The following PRICKLE2 variants were observed in gnomAD, a reference collection of about 807,000 sequenced individuals.
The protein encoded by PRICKLE2 is prickle-like protein 2.
PRICKLE2 carries 21 observed loss-of-function variants against 81.4 expected under a neutral mutation model. The observed-to-expected ratio is 0.26, with a 90% CI of 0.18 to 0.37. The LOEUF (loss-of-function observed/expected upper bound fraction) is 0.37, where lower values mean the gene tolerates loss of function less well. Among genes scored for constraint, PRICKLE2 ranks in the 10% least tolerant of loss-of-function variants. PRICKLE2 has a pLI of 1.00. For missense variants in PRICKLE2, 940 were observed against 1,109.0 expected (o/e 0.85, Z 2.16); for synonymous variants, 456 against 421.5 (o/e 1.08, Z -1.00).
upstream of PRICKLE2, among the ~76,000 whole-genome samples, chr3:64,225,736 G>T (rs1258422114): frequency 1.3e-5 from 2 of 151,956 alleles, no homozygotes; most frequent in East Asian, 3.9e-4. Context: ...CTTCTTAAAA[G>T]CTGTGCTCTT....
chr3:64,163,133 A>C lies in PRICKLE2; in HGVS notation c.145-4T>G, dbSNP rs375489210. ...GACAGCTATAGTACTGGTGTACCTG[A>C]AGGACAGAAAGCATATAGATGACTT... On this transcript the variant is annotated splice_region_variant and splice_polypyrimidine_tract_variant and intron_variant, in intron 2 of 7. Coordinates refer to ENST00000638394, the MANE Select transcript of PRICKLE2 (RefSeq NM_198859.4). 233 of 1,540,960 alleles carry C rather than the reference A, an allele frequency of 1.5e-4. 1 individual carries two copies. The African/African-American group carries it at 2.1e-3, about 14-fold the overall frequency.
chr3:64,099,173 T>G lies in PRICKLE2; in HGVS notation c.2413A>C (p.Thr805Pro). 3 of 1,614,244 alleles carry G rather than the reference T, an allele frequency of 1.9e-6. No individual in the cohort carries two copies. The highest frequency in any genetic ancestry group is 2.2e-5 in the South Asian group (2 of 91,092). Residue 805 changes from threonine (T) to proline (P), a missense_variant, in exon 8 of 8, where the codon ACA becomes CCA. Coordinates refer to ENST00000638394, the MANE Select transcript of PRICKLE2 (RefSeq NM_198859.4). The surrounding 1 kb of genome is among the most constrained non-coding windows in gnomAD (Gnocchi z 4.3). ...TATTTGTGCAGCAGCTCATCGCTTG[T>G]GACGTATCGCAGGCGCGCTGGCTGG... ...IPQPARLRYV[T>P]SDELLHKYSS...
intron 7 of PRICKLE2, among the ~76,000 whole-genome samples, chr3:64,107,424 T>C (rs2076774072): frequency 6.6e-6 from 1 of 152,058 alleles, no homozygotes; most frequent in South Asian, 2.1e-4. Flanking sequence ...TGCATGCAAG[T>C]CCAGAAAGAA....
intron 2 of PRICKLE2, among the ~76,000 whole-genome samples, chr3:64,240,228 G>A (rs13085954): frequency 0.15 from 23,133 of 152,056 alleles, 1,772 homozygotes; most frequent in East Asian, 0.22. Context: ...CAGTTACATG[G>A]GGAGGCCATG....
intron 1 of PRICKLE2, chr3:64,199,728 T>G (rs1010181061): frequency 3.2e-4 from 48 of 152,230 alleles, no homozygotes; most frequent in African/African-American, 1.1e-3. Flanking sequence ...CCATCTGTTC[T>G]CTTATCCATA....
chr3:64,114,064 T>C (rs1230314906), intron 7 of PRICKLE2, among the ~76,000 whole-genome samples: 1 of 151,522 alleles, frequency 6.6e-6, no homozygotes, highest in Non-Finnish European at 1.5e-5. Context: ...CCAATACAAG[T>C]CCCCCAGAGT....
intron 2 of PRICKLE2, among the ~76,000 whole-genome samples, chr3:64,244,540 C>T (rs2079316283): frequency 6.7e-6 from 1 of 149,554 alleles, no homozygotes; most frequent in South Asian, 2.1e-4. Flanking sequence ...TGATGTTGGC[C>T]ACTAGGTGAT....
chr3:64,223,078 C>T (rs750192556), intron 1 of PRICKLE2, among the ~76,000 whole-genome samples: 2 of 152,132 alleles, frequency 1.3e-5, no homozygotes, highest in Non-Finnish European at 2.9e-5. Flanking sequence ...TATAACAGTA[C>T]CAGAGATGGC....
At chr3:64,152,119 T>C (rs2077557629) in intron 6 of PRICKLE2, among the ~76,000 whole-genome samples, 1 of 152,200 alleles carries the variant, frequency 6.6e-6, no homozygotes. Context: ...ACATCACTTC[T>C]TATGAACCAA....
chr3:64,141,711 A>C, intron 7 of PRICKLE2: 6 of 722,202 alleles, frequency 8.3e-6, no homozygotes, highest in Non-Finnish European at 1.0e-5. Context: ...GCCAAAGCCC[A>C]GATCTGAGGC....
At chr3:64,155,820 A>G (rs995312777) in intron 5 of PRICKLE2, among the ~76,000 whole-genome samples, 1 of 152,250 alleles carries the variant, frequency 6.6e-6, no homozygotes, top group Non-Finnish European at 1.5e-5. Flanking sequence ...CAGAACATGT[A>G]AATCCACAGA....
At chr3:64,263,823 TAAAG>T (rs913526654) in intron 2 of PRICKLE2, among the ~76,000 whole-genome samples, 4 of 152,126 alleles carry the variant, frequency 2.6e-5, no homozygotes, top group African/African-American at 9.7e-5. Flanking sequence ...GTTCAGAACT[TAAAG>T]AACCCAAGGC....
intron 6 of PRICKLE2, among the ~76,000 whole-genome samples, chr3:64,148,831 G>C (rs1279381907): frequency 6.6e-6 from 1 of 152,186 alleles, no homozygotes. Context: ...CCTTGAGTTT[G>C]AACTTCCCAG....
chr3:64,117,323 C>G (rs1397437176), intron 7 of PRICKLE2, among the ~76,000 whole-genome samples: 1 of 152,098 alleles, frequency 6.6e-6, no homozygotes, highest in African/African-American at 2.4e-5. Flanking sequence ...CAGTCCTATT[C>G]AACATAGTAT....
chr3:64,158,895 T>A (rs937514534), intron 4 of PRICKLE2, among the ~76,000 whole-genome samples: 1 of 152,202 alleles, frequency 6.6e-6, no homozygotes, highest in Non-Finnish European at 1.5e-5. Context: ...TTGGGCAGCA[T>A]CCCACCTCCT....
chr3:64,103,406 T>A (rs146301971), intron 7 of PRICKLE2: 7 of 152,288 alleles, frequency 4.6e-5, no homozygotes, highest in African/African-American at 1.7e-4. Context: ...CATGGATGTA[T>A]CTCATAGAAA....
intron 1 of PRICKLE2, among the ~76,000 whole-genome samples, chr3:64,204,134 G>A (rs1217986416): frequency 6.6e-6 from 1 of 152,186 alleles, no homozygotes; most frequent in Non-Finnish European, 1.5e-5. Flanking sequence ...CTTGGCCTAC[G>A]TTCTCAGAGG....
chr3:64,253,808 G>T (rs955279017), intron 2 of PRICKLE2, among the ~76,000 whole-genome samples: 1 of 152,142 alleles, frequency 6.6e-6, no homozygotes, highest in South Asian at 2.1e-4. Context: ...AAGCTCTCAA[G>T]AAACAGTGAC....
At chr3:64,214,604 AAGG>A (rs2078843331) in intron 1 of PRICKLE2, among the ~76,000 whole-genome samples, 1 of 152,202 alleles carries the variant, frequency 6.6e-6, no homozygotes, top group African/African-American at 2.4e-5. Context: ...ACAGCAGTGA[AAGG>A]AAGGAGGAAA....
Sources: allele counts gnomAD v4.1 joint callset (sites outside exome capture counted in the v4.1 genomes callset), GRCh38; gene constraint gnomAD v4.1.1; non-coding constraint Gnocchi (gnomAD v3.1); transcripts MANE v1.5; gene names NCBI Gene and HGNC (gene_info 2026-07-23, HGNC 2026-07-21).